The following TBXA2R variants were observed in gnomAD, a reference collection of about 807,000 sequenced individuals.
The protein encoded by TBXA2R is prostanoid TP receptor.
In TBXA2R, 15 loss-of-function variants were observed where a neutral mutation model predicts 15.6. The observed-to-expected ratio is 0.96, with a 90% confidence interval of 0.64 to 1.48. The LOEUF is 1.48. Among genes scored for constraint, TBXA2R ranks in the 40% most tolerant of loss-of-function variants. The probability of loss-of-function intolerance (pLI) is 0.00; values close to 1 mark genes in which losing one functional copy is unlikely to be tolerated. For synonymous variants in TBXA2R, 280 were observed against 241.2 expected, an observed-to-expected ratio of 1.16 and a Z score of -1.49; for missense variants, 506 against 491.4, an observed-to-expected ratio of 1.03 and a Z score of -0.28.
At position 3,603,099 on chromosome 19, in the gene TBXA2R, G is replaced by A. The variant is rs528298751; in HGVS notation, c.-83-2382C>T. Among the ~76,000 whole-genome samples, 32 of 152,172 alleles carry A rather than the reference G, an allele frequency of 2.1e-4. 1 individual carries two copies. The highest frequency in any genetic ancestry group is 7.5e-4 in the African/African-American group (31 of 41,520). ...TGAAGGGATCCACGCGCAGCACTCA[G>A]CACAGCACAGCGGGCACTCAATGCA... On this transcript the variant is annotated intron_variant, in intron 1 of 2. Coordinates refer to ENST00000375190, the MANE Select transcript of TBXA2R (RefSeq NM_001060.6).
In TBXA2R at chr19:3,600,586, T is replaced by G; in HGVS notation, c.49A>C (p.Ile17Leu). 1 of 1,612,464 alleles carries G rather than the reference T, an allele frequency of 6.2e-7. No homozygotes were observed. Among genetic ancestry groups the G allele is most frequent in the Non-Finnish European group, 8.5e-7 (1 of 1,179,584 alleles). Residue 17 changes from isoleucine (I) to leucine (L), a missense_variant, in exon 2 of 3, where the codon ATT becomes CTT. Ile to Leu is a conservative substitution (Grantham distance 5). Transcript: ENST00000375190. ...ATCAGCCGTCTCTCCTCCAGGGTAA[T>G]GTTTGTGGGCCGGAAACAGGGCCCC... ...SLGPCFRPTN[I>L]TLEERRLIAS... is the part of the protein sequence containing the mutation.
Position 3,595,744 on chromosome 19 carries a change from G to T in TBXA2R, c.976C>A (p.Arg326=). 6.2e-7 allele frequency: 1 copy of T among 1,604,682 alleles called. No individual in the cohort carries two copies. ...LRRLQPRLST[R]PRSLSLQPQL... The stretch of plus-strand genomic sequence containing the variant: ...GGCTGGAGGGACAGCGACCTGGGCC[G>T]GGTGCTGAGGCGAGGCTGGAGACGC... The change falls in exon 3 of 3, where the codon CGG becomes AGG. Residue 326 remains arginine (R), a synonymous_variant. Coordinates refer to ENST00000375190, the MANE Select transcript of TBXA2R (RefSeq NM_001060.6).
intron 1 of TBXA2R, among the ~76,000 whole-genome samples, chr19:3,604,363 G>A (rs371494545): frequency 1.3e-5 from 2 of 152,168 alleles, no homozygotes; most frequent in African/African-American, 4.8e-5. Context: ...AGGCCCGGGC[G>A]CTGGGCTGGG....
At chr19:3,601,879 A>T (rs2145295813) in intron 1 of TBXA2R, among the ~76,000 whole-genome samples, 1 of 152,032 alleles carries the variant, frequency 6.6e-6, no homozygotes, top group East Asian at 1.9e-4. Flanking sequence ...GTGAGCCGAG[A>T]TCGCACTACT....
In TBXA2R at chr19:3,600,416, G is replaced by A. The variant is rs749407864; in HGVS notation, c.219C>T (p.Thr73=). Residue 73 remains threonine, a synonymous_variant, in exon 2 of 3, where the codon ACC becomes ACT. Coordinates refer to ENST00000375190, the MANE Select transcript of TBXA2R (RefSeq NM_001060.6). ...FLTFLCGLVL[T]DFLGLLVTGT... The stretch of plus-strand genomic sequence containing the variant: ...CGGTCACCAGCAGCCCCAGGAAGTC[G>A]GTGAGGACGAGGCCGCAGAGGAAGG... The A allele has an allele frequency of 7.4e-6, 12 of 1,613,370 alleles. No homozygotes were observed. The highest frequency in any genetic ancestry group is 1.0e-5 in the Non-Finnish European group (12 of 1,179,746).
At chr19:3,602,944 G>A (rs1295018152) in intron 1 of TBXA2R, among the ~76,000 whole-genome samples, 2 of 151,984 alleles carry the variant, frequency 1.3e-5, no homozygotes, top group Non-Finnish European at 2.9e-5. Flanking sequence ...GCTGAGGCAG[G>A]AGAATGGTGT....
intron 1 of TBXA2R, 108 bp from the exon 2 acceptor site, chr19:3,600,825 GGT>G (rs1568284546): frequency 1.6e-4 from 71 of 453,096 alleles, no homozygotes; most frequent in Middle Eastern, 6.0e-4. Context: ...TATCCTCTCC[GGT>G]TTTTTTTTTT....
In TBXA2R at chr19:3,595,589, C is replaced by T; in HGVS notation, c.*99G>A. On this transcript the variant is annotated 3_prime_UTR_variant, in exon 3 of 3. Transcript: ENST00000375190. ...CTGCTGCTGATGCCCACTGTCCATC[C>T]AGCACCCCCAGCCCCTGAATCCTCA... The T allele has an allele frequency of 2.0e-6, 3 of 1,465,994 alleles. No homozygotes were observed. The highest frequency in any genetic ancestry group is 1.4e-5 in the African/African-American group (1 of 70,994). The allele number at this position is 1,465,994 out of a possible 1,614,324, so 90.8% of individuals were successfully genotyped here. A position where few individuals can be genotyped will look rare whatever the true frequency, so the allele number is the denominator to read the frequency against.
intron 2 of TBXA2R, among the ~76,000 whole-genome samples, chr19:3,597,502 A>G (rs1041822826): frequency 3.9e-5 from 6 of 152,190 alleles, no homozygotes; most frequent in Admixed American, 2.0e-4. Context: ...GTGGTGGTGC[A>G]CACCTGTAGT....
chr19:3,595,748 G>A lies in TBXA2R; in HGVS notation c.972C>T (p.Ser324=), dbSNP rs1319882674. The part of the protein sequence containing the change: ...AVLRRLQPRL[S]TRPRSLSLQP... Reference sequence around the variant, plus strand: ...GGAGGGACAGCGACCTGGGCCGGGTGCTGAGGCGAGGCTGGAGACGCCGGA... The same window carrying A: ...GGAGGGACAGCGACCTGGGCCGGGTACTGAGGCGAGGCTGGAGACGCCGGA... Residue 324 remains serine, a synonymous_variant, in exon 3 of 3, where the codon AGC becomes AGT. Coordinates refer to ENST00000375190, the MANE Select transcript of TBXA2R (RefSeq NM_001060.6). The A allele has an allele frequency of 1.9e-6, 3 of 1,605,994 alleles. No individual in the cohort carries two copies. Among genetic ancestry groups the A allele is most frequent in the African/African-American group, 2.7e-5 (2 of 75,004 alleles).
intron 1 of TBXA2R, among the ~76,000 whole-genome samples, chr19:3,604,928 A>G (rs1042459551): frequency 6.6e-5 from 10 of 152,276 alleles, no homozygotes; most frequent in African/African-American, 2.4e-4. Context: ...TGCCTGCTGT[A>G]GATCTGAACG....
rs2145285207 is a variant in TBXA2R at position 3,595,923 on chromosome 19, G to T, written c.797C>A (p.Ala266Asp). ...VCWLPLLVFI[A>D]QTVLRNPPAM... is the part of the protein sequence containing the mutation. ...AGGCGGGTTTCGCAGCACTGTCTGG[G>T]CGATGAAGACCTGCAAAGGGGAGAG... Residue 266 changes from alanine to aspartate, a missense_variant, in exon 3 of 3, where the codon GCC becomes GAC. Ala to Asp is a moderately radical substitution (Grantham distance 126). Transcript: ENST00000375190. The T allele has an allele frequency of 6.3e-7, 1 of 1,594,522 alleles. No homozygotes were observed.
At position 3,595,665 on chromosome 19, in the gene TBXA2R, G is replaced by A. The variant is rs754919407; in HGVS notation, c.*23C>T. ...GGCCAAGGGCTCCGCGGAAAGGCGC[G>A]GGAGGGGCGCTCTGTCCACTTCCTA... On this transcript the variant is annotated 3_prime_UTR_variant, in exon 3 of 3. Transcript: ENST00000375190. The A allele has an allele frequency of 1.4e-5, 22 of 1,559,424 alleles. No individual in the cohort carries two copies. Among genetic ancestry groups the A allele is most frequent in the Middle Eastern group, 3.3e-4 (2 of 5,976 alleles).
intron 2 of TBXA2R, among the ~76,000 whole-genome samples, chr19:3,599,137 G>C (rs564820729): frequency 1.3e-5 from 2 of 151,810 alleles, no homozygotes; most frequent in South Asian, 2.1e-4. Context: ...TGTTTTCTAC[G>C]GCTGCTTTCT....
At chr19:3,605,436 C>T (rs1057187810) in intron 1 of TBXA2R, among the ~76,000 whole-genome samples, 10 of 151,948 alleles carry the variant, frequency 6.6e-5, no homozygotes, top group Non-Finnish European at 4.4e-5. Context: ...GACGCACAGA[C>T]GTGCACAGAC....
Position 3,595,397 on chromosome 19 carries a change from C to G in TBXA2R, c.*291G>C. 7.2e-7 allele frequency: 1 copy of G among 1,388,540 alleles called. No individual in the cohort carries two copies. Among genetic ancestry groups the G allele is most frequent in the Non-Finnish European group, 9.3e-7 (1 of 1,076,766 alleles). The allele number at this position is 1,388,540 out of a possible 1,614,324, so 86.0% of individuals were successfully genotyped here. On this transcript the variant is annotated 3_prime_UTR_variant, in exon 3 of 3. Transcript: ENST00000375190. ...CCGTCTAAAAAAAAAAATAGCAATGCAAGACCCTCTTCCAATGTCTGCATG... is the reference window on the plus strand; with the variant it reads ...CCGTCTAAAAAAAAAAATAGCAATGGAAGACCCTCTTCCAATGTCTGCATG...
Position 3,595,655 on chromosome 19 carries a change from G to A in TBXA2R, c.*33C>T, listed in dbSNP as rs998281821. On this transcript the variant is annotated 3_prime_UTR_variant, in exon 3 of 3. Coordinates refer to ENST00000375190, the MANE Select transcript of TBXA2R (RefSeq NM_001060.6). ...CTGTCCGAGGGGCCAAGGGCTCCGCGGAAAGGCGCGGGAGGGGCGCTCTGT... is the reference window on the plus strand; with the variant it reads ...CTGTCCGAGGGGCCAAGGGCTCCGCAGAAAGGCGCGGGAGGGGCGCTCTGT... The A allele has an allele frequency of 3.2e-6, 5 of 1,544,788 alleles. No homozygotes were observed. The highest frequency in any genetic ancestry group is 2.7e-5 in the African/African-American group (2 of 73,770).
chr19:3,594,761 T>C lies in TBXA2R; in HGVS notation c.*927A>G. The C allele has an allele frequency of 7.4e-7, 1 of 1,354,330 alleles. No homozygotes were observed. The highest frequency in any genetic ancestry group is 1.0e-6 in the Non-Finnish European group (1 of 998,744). 83.9% of individuals were successfully genotyped at this position (1,354,330 alleles called of 1,614,324 possible). A position where few individuals can be genotyped will look rare whatever the true frequency, so the allele number is the denominator to read the frequency against. ...TGCACAAACTCCAGAGATTGAAAACTTCTGGACCCAAAGGAAAATAAAACC... is the reference window on the plus strand; with the variant it reads ...TGCACAAACTCCAGAGATTGAAAACCTCTGGACCCAAAGGAAAATAAAACC... On this transcript the variant is annotated 3_prime_UTR_variant, in exon 3 of 3. Coordinates refer to ENST00000375190, the MANE Select transcript of TBXA2R (RefSeq NM_001060.6).
chr19:3,600,426 A>T lies in TBXA2R; in HGVS notation c.209T>A (p.Leu70His). ...RSSFLTFLCG[L>H]VLTDFLGLLV... ...CAGCCCCAGGAAGTCGGTGAGGACG[A>T]GGCCGCAGAGGAAGGTGAGGAAGGA... The change falls in exon 2 of 3, where the codon CTC (leucine) becomes CAC (histidine). Residue 70 changes from leucine to histidine, a missense_variant. Physicochemically the swap from Leu to His is moderately conservative, Grantham distance 99 (BLOSUM62 -3). Coordinates refer to ENST00000375190, the MANE Select transcript of TBXA2R (RefSeq NM_001060.6). 1 of 1,613,308 alleles carries T rather than the reference A, an allele frequency of 6.2e-7. No individual in the cohort carries two copies. The highest frequency in any genetic ancestry group is 8.5e-7 in the Non-Finnish European group (1 of 1,179,720).
Sources: allele counts gnomAD v4.1 joint callset (sites outside exome capture counted in the v4.1 genomes callset), GRCh38; gene constraint gnomAD v4.1.1; transcripts MANE v1.5; gene names NCBI Gene and HGNC (gene_info 2026-07-23, HGNC 2026-07-21).